The following MSRA variants were observed in gnomAD, a reference collection of about 807,000 sequenced individuals.
The protein encoded by MSRA is methionine sulfoxide reductase A.
A neutral mutation model predicts 31.3 loss-of-function variants in MSRA; 54 were observed. The observed-to-expected ratio is 1.73, with a 90% confidence interval of 1.39 to 2.17. The LOEUF is 2.17. Ranked by LOEUF, MSRA falls within the 30% of genes most tolerant of loss-of-function variation. The probability of loss-of-function intolerance (pLI) is 0.00; values close to 1 mark genes in which losing one functional copy is unlikely to be tolerated. For synonymous variants in MSRA, 169 were observed against 116.5 expected (o/e 1.45, Z -2.90); for missense variants, 507 against 300.9 (o/e 1.69, Z -5.07).
intron 1 of MSRA, among the ~76,000 whole-genome samples, chr8:10,114,781 G>T (rs994377165): frequency 6.6e-6 from 1 of 152,134 alleles, no homozygotes; most frequent in East Asian, 1.9e-4. Flanking sequence ...ATTAATGAAA[G>T]ACTCAATATT....
intron 3 of MSRA, among the ~76,000 whole-genome samples, chr8:10,280,660 A>G (rs983611859): frequency 6.6e-6 from 1 of 152,096 alleles, no homozygotes; most frequent in African/African-American, 2.4e-5. Context: ...CAGCAATTCT[A>G]CTCTTAGGTA....
chr8:10,384,021 A>T (rs961200447), intron 5 of MSRA, among the ~76,000 whole-genome samples: 2 of 152,146 alleles, frequency 1.3e-5, no homozygotes, highest in African/African-American at 4.8e-5. Context: ...AGTCACCCCG[A>T]AATCCGTGAC....
intron 1 of MSRA, among the ~76,000 whole-genome samples, chr8:10,186,726 G>C (rs1411653461): frequency 2.6e-5 from 4 of 152,232 alleles, no homozygotes; most frequent in African/African-American, 9.7e-5. Flanking sequence ...TAGTGGCTGT[G>C]ATGGGTGGGG....
intron 1 of MSRA, among the ~76,000 whole-genome samples, chr8:10,161,982 G>C (rs184700648): frequency 5.9e-5 from 9 of 152,288 alleles, no homozygotes; most frequent in Admixed American, 4.6e-4. Flanking sequence ...GGTCCTGTGC[G>C]GATCCCAGCT....
In MSRA at chr8:10,316,565, TC is replaced by T. The variant is rs1801734964; in HGVS notation, c.437-3317del. Among the ~76,000 whole-genome samples, 8 of 149,054 alleles carry T rather than the reference TC, an allele frequency of 5.4e-5. 1 individual carries two copies. The highest frequency in any genetic ancestry group is 2.0e-4 in the African/African-American group (8 of 39,734). On this transcript the variant is annotated intron_variant, in intron 4 of 5. Coordinates refer to ENST00000317173, the MANE Select transcript of MSRA (RefSeq NM_012331.5). ...CTCTCTCTCTCTCTCTCTCTCTCTC[TC>T]TCTCTCTCCTTCCTCCTCCTCTTCT... is the stretch of plus-strand genomic sequence containing the variant.
intron 5 of MSRA, among the ~76,000 whole-genome samples, chr8:10,412,712 A>G (rs1369828746): frequency 6.6e-6 from 1 of 152,224 alleles, no homozygotes; most frequent in Non-Finnish European, 1.5e-5. Flanking sequence ...TAGGAACGTT[A>G]AAAGGTGCCC....
intron 1 of MSRA, among the ~76,000 whole-genome samples, chr8:10,147,757 C>T (rs574504848): frequency 6.6e-6 from 1 of 152,278 alleles, no homozygotes; most frequent in African/African-American, 2.4e-5. Context: ...TGGAGGATTC[C>T]TGCATTCTCC....
intron 3 of MSRA, among the ~76,000 whole-genome samples, chr8:10,297,027 T>C (rs1475476711): frequency 6.6e-6 from 1 of 152,196 alleles, no homozygotes; most frequent in Non-Finnish European, 1.5e-5. Context: ...AGGTGACATT[T>C]TCTCCACGGA....
chr8:10,383,063 C>T (rs1254313951), intron 5 of MSRA, among the ~76,000 whole-genome samples: 4 of 152,196 alleles, frequency 2.6e-5, no homozygotes, highest in African/African-American at 9.7e-5. Flanking sequence ...TGAGAGAATG[C>T]TGTGTTCACC....
chr8:10,068,761 T>C (rs1448828071), intron 1 of MSRA, among the ~76,000 whole-genome samples: 1 of 152,178 alleles, frequency 6.6e-6, no homozygotes, highest in Non-Finnish European at 1.5e-5. Flanking sequence ...TAGCTATTCT[T>C]TTTTTCCCCC....
chr8:10,162,132 T>C (rs1804714144), intron 1 of MSRA, among the ~76,000 whole-genome samples: 1 of 151,842 alleles, frequency 6.6e-6, no homozygotes, highest in East Asian at 1.9e-4. Context: ...AGTGACGGAG[T>C]TGGGCCTGAG....
intron 2 of MSRA, among the ~76,000 whole-genome samples, chr8:10,224,378 C>G (rs568922523): frequency 2.0e-5 from 3 of 152,314 alleles, no homozygotes; most frequent in African/African-American, 4.8e-5. Flanking sequence ...AGATTGAAGT[C>G]TCTCGCTACA....
chr8:10,111,732 A>G (rs1290480874), intron 1 of MSRA, among the ~76,000 whole-genome samples: 3 of 152,386 alleles, frequency 2.0e-5, no homozygotes, highest in Non-Finnish European at 2.9e-5. Flanking sequence ...AGGAAATATT[A>G]GCAGATTGAA....
chr8:10,104,898 C>A (rs1002659497), intron 1 of MSRA, among the ~76,000 whole-genome samples: 2 of 152,154 alleles, frequency 1.3e-5, no homozygotes, highest in African/African-American at 4.8e-5. Context: ...ATTTATATTC[C>A]TGTGCTAGAG....
intron 1 of MSRA, among the ~76,000 whole-genome samples, chr8:10,207,397 C>T (rs1353510535): frequency 6.6e-6 from 1 of 152,202 alleles, no homozygotes; most frequent in Non-Finnish European, 1.5e-5. Flanking sequence ...GAACCTTGCC[C>T]TTTTTACTTC....
Position 10,175,454 on chromosome 8 carries a change from A to C in MSRA, c.143-32379A>C, listed in dbSNP as rs1322109230. Among the ~76,000 whole-genome samples, 3 of 152,376 alleles carry C rather than the reference A, an allele frequency of 2.0e-5. No individual in the cohort carries two copies. In the East Asian group the frequency reaches 5.8e-4, roughly 29 times the overall value. ...GTGTCAAGAATGTAACACAGGATCAACAAGTGTTGACTAATTGATAACCGA... is the reference window on the plus strand; with the variant it reads ...GTGTCAAGAATGTAACACAGGATCACCAAGTGTTGACTAATTGATAACCGA... On this transcript the variant is annotated intron_variant, in intron 1 of 5. Transcript: ENST00000317173.
chr8:10,203,810 T>C (rs1365017190), intron 1 of MSRA, among the ~76,000 whole-genome samples: 2 of 152,220 alleles, frequency 1.3e-5, no homozygotes, highest in Non-Finnish European at 2.9e-5. Context: ...CCATAGGAGA[T>C]GACAGCTCCA....
intron 1 of MSRA, among the ~76,000 whole-genome samples, chr8:10,206,118 G>T (rs887737836): frequency 6.6e-6 from 1 of 152,142 alleles, no homozygotes; most frequent in African/African-American, 2.4e-5. Context: ...TCTGACTTGT[G>T]ATATGGGTCA....
At chr8:10,347,717 C>G (rs967376563) in intron 5 of MSRA, among the ~76,000 whole-genome samples, 1 of 152,206 alleles carries the variant, frequency 6.6e-6, no homozygotes, top group Non-Finnish European at 1.5e-5. Flanking sequence ...GCCTTCAGAG[C>G]TCTCAACCGT....
Sources: gnomAD v4.1 joint callset for allele counts (sites outside exome capture counted in the v4.1 genomes callset) on GRCh38, gnomAD v4.1.1 for gene constraint, MANE v1.5 for transcripts, NCBI Gene and HGNC (gene_info 2026-07-23, HGNC 2026-07-21) for gene names.